The following NF2 variants were observed in gnomAD, a reference collection of about 807,000 sequenced individuals.
NF2 encodes the protein NF2, moesin-ezrin-radixin like (MERLIN) tumor suppressor.
Under a neutral mutation model 83.7 loss-of-function variants are expected in NF2, and 8 were observed. The observed-to-expected ratio is 0.10, with a 90% CI of 0.06 to 0.17. The LOEUF (loss-of-function observed/expected upper bound fraction) is 0.17. Ranked by LOEUF, NF2 falls within the 10% of genes least tolerant of loss-of-function variation. The pLI, the probability that NF2 is intolerant of heterozygous loss-of-function variation, is 1.00. For synonymous variants in NF2, 266 were observed against 269.6 expected, an observed-to-expected ratio of 0.99 and a Z score of 0.13; for missense variants, 533 against 744.4, an observed-to-expected ratio of 0.72 and a Z score of 3.31.
intron 4 of NF2, among the ~76,000 whole-genome samples, chr22:29,644,263 C>T (rs1361973098): frequency 1.4e-5 from 2 of 146,274 alleles, no homozygotes; most frequent in South Asian, 2.2e-4. Context: ...CGGGCAGAGG[C>T]GCTCCTCACA....
chr22:29,652,810 C>T (rs2066187239), intron 4 of NF2, among the ~76,000 whole-genome samples: 1 of 152,264 alleles, frequency 6.6e-6, no homozygotes, highest in Non-Finnish European at 1.5e-5. Context: ...CACTCTACAG[C>T]TGCCTTGCAG....
At chr22:29,637,713 G>A (rs1249829403) in intron 2 of NF2, among the ~76,000 whole-genome samples, 1 of 149,536 alleles carries the variant, frequency 6.7e-6, no homozygotes, top group Non-Finnish European at 1.5e-5. Context: ...TTACCAGTTT[G>A]ACTCAAAGCT....
intron 2 of NF2, 150 bp downstream of exon 2, chr22:29,637,026 T>A: frequency 8.7e-7 from 1 of 1,153,786 alleles, no homozygotes. Context: ...AAGCAGGACG[T>A]AGAGATGCTA....
At chr22:29,643,173 G>A (rs987907443) in intron 4 of NF2, among the ~76,000 whole-genome samples, 2 of 152,028 alleles carry the variant, frequency 1.3e-5, no homozygotes, top group African/African-American at 2.4e-5. Flanking sequence ...TAGAGATGGG[G>A]TCTCACTATG....
chr22:29,665,174 C>T, intron 9 of NF2, 110 bp downstream of exon 9: 1 of 852,022 alleles, frequency 1.2e-6, no homozygotes, highest in Non-Finnish European at 2.0e-6. Flanking sequence ...AGAATGGTAT[C>T]TCACTTGGCG....
chr22:29,689,155 G>GCAACGGA, intron 15 of NF2, among the ~76,000 whole-genome samples: 1 of 137,422 alleles, frequency 7.3e-6, no homozygotes, highest in East Asian at 2.2e-4. Flanking sequence ...GTTCAGCCTG[G>GCAACGGA]CAACGGAGTG....
At position 29,673,284 on chromosome 22, in the gene NF2, A is replaced by G. The variant is rs1468789751; in HGVS notation, c.1138A>G (p.Thr380Ala). The G allele has an allele frequency of 8.2e-6, 13 of 1,577,346 alleles. No homozygotes were observed. The South Asian group carries it at 1.4e-4, about 17-fold the overall frequency. The change falls in exon 12 of 16, where the codon ACA (threonine) becomes GCA (alanine). Residue 380 changes from threonine to alanine, a missense_variant. By Grantham distance (58) the Thr-to-Ala change is moderately conservative. Transcript: ENST00000338641. Reference sequence around the variant, plus strand: ...TGCCCTCCAGATGCGGTCTGAGGAGACAGCTGACCTGTTGGCTGAAAAGGC... The same window carrying G: ...TGCCCTCCAGATGCGGTCTGAGGAGGCAGCTGACCTGTTGGCTGAAAAGGC... Reference protein sequence around the residue: ...ANEALMRSEETADLLAEKAQI... With the variant: ...ANEALMRSEEAADLLAEKAQI...
chr22:29,695,358 G>A lies in NF2; in HGVS notation c.*556G>A, dbSNP rs1169223153. On this transcript the variant is annotated 3_prime_UTR_variant, in exon 16 of 16. Transcript: ENST00000338641. This position sits in a 1 kb window ranked among gnomAD's most constrained non-coding sequence, Gnocchi z 5.4. Reference sequence around the variant, plus strand: ...AGAGCTCGTGACGAGCAAGTGCTGGGTCCCCGCCAGGCACCCCGAGGCGGC... The same window carrying A: ...AGAGCTCGTGACGAGCAAGTGCTGGATCCCCGCCAGGCACCCCGAGGCGGC... 4 of 261,362 alleles carry A rather than the reference G, an allele frequency of 1.5e-5. No individual in the cohort carries two copies. Among genetic ancestry groups the A allele is most frequent in the African/African-American group, 4.3e-5 (2 of 46,408 alleles). 16.2% of individuals were successfully genotyped at this position (261,362 alleles called of 1,614,324 possible). A position where few individuals can be genotyped will look rare whatever the true frequency, so the allele number is the denominator to read the frequency against.
chr22:29,650,890 A>C (rs1166233539), intron 4 of NF2, among the ~76,000 whole-genome samples: 1 of 152,238 alleles, frequency 6.6e-6, no homozygotes, highest in East Asian at 1.9e-4. Flanking sequence ...GGCATGAGCC[A>C]CTGCACCCAA....
intron 1 of NF2, among the ~76,000 whole-genome samples, chr22:29,628,156 G>A (rs973577496): frequency 4.6e-5 from 7 of 150,882 alleles, no homozygotes; most frequent in African/African-American, 1.7e-4. Flanking sequence ...GTGTGTGTGT[G>A]TGTGTGTGTG....
intron 8 of NF2, among the ~76,000 whole-genome samples, chr22:29,664,675 G>A (rs766970449): frequency 3.3e-4 from 50 of 152,186 alleles, no homozygotes; most frequent in Non-Finnish European, 5.9e-5. Flanking sequence ...CCATGCCCTC[G>A]ACTACAGTAG....
intron 13 of NF2, among the ~76,000 whole-genome samples, chr22:29,677,160 G>C (rs954866596): frequency 1.4e-4 from 21 of 152,318 alleles, no homozygotes; most frequent in African/African-American, 3.6e-4. Context: ...GTAGAAAGAA[G>C]ATACAGCCAA....
chr22:29,620,494 C>T (rs1244017179), intron 1 of NF2, among the ~76,000 whole-genome samples: 1 of 150,928 alleles, frequency 6.6e-6, no homozygotes, highest in Non-Finnish European at 1.5e-5. Flanking sequence ...AATCCCAGCA[C>T]TTTGGGAGGC....
rs1014174615 is a variant in NF2 at position 29,653,489 on chromosome 22, C to CA, written c.448-1160dup. 2.2e-4 allele frequency among the ~76,000 whole-genome samples: 32 copies of CA among 147,786 alleles called. No individual in the cohort carries two copies. In the East Asian group the frequency reaches 5.5e-3, roughly 26 times the overall value. ...TTGACAAATTAATTCTCTTAAGATTCAAAAAAAACAATGCAATACAATTCT... is the reference window on the plus strand; with the variant it reads ...TTGACAAATTAATTCTCTTAAGATTCAAAAAAAAACAATGCAATACAATTCT... On this transcript the variant is annotated intron_variant, in intron 4 of 15. Coordinates refer to ENST00000338641, the MANE Select transcript of NF2 (RefSeq NM_000268.4).
Position 29,661,585 on chromosome 22 carries a change from A to G in NF2, c.810+246A>G, listed in dbSNP as rs2857641. Among the ~76,000 whole-genome samples, 56,742 of 152,126 alleles carry G rather than the reference A, an allele frequency of 0.37. 11,290 individuals are homozygous for G. Among genetic ancestry groups the G allele is most frequent in the Non-Finnish European group, 0.47 (31,927 of 67,976 alleles). On this transcript the variant is annotated intron_variant, in intron 8 of 15. Transcript: ENST00000338641. ...GGAGAAACCCCAAAGAATAGTGAAC[A>G]AAAACAGTAACATTTTCTTATTACT...
chr22:29,604,883 C>T (rs2064745754), intron 1 of NF2, among the ~76,000 whole-genome samples: 2 of 152,208 alleles, frequency 1.3e-5, no homozygotes, highest in Admixed American at 6.5e-5. Flanking sequence ...AACTCTTCAA[C>T]TCTACCATTG....
chr22:29,690,365 G>A (rs1222299966), intron 15 of NF2, among the ~76,000 whole-genome samples: 1 of 152,194 alleles, frequency 6.6e-6, no homozygotes, highest in Non-Finnish European at 1.5e-5. Flanking sequence ...ACAATTTGGG[G>A]AGCGTAAGGA....
intron 1 of NF2, among the ~76,000 whole-genome samples, chr22:29,614,748 G>C (rs181424667): frequency 1.8e-4 from 27 of 152,008 alleles, no homozygotes; most frequent in African/African-American, 6.3e-4. Flanking sequence ...CCAAAAAAAA[G>C]CTTAAAATGG....
intron 4 of NF2, among the ~76,000 whole-genome samples, chr22:29,648,381 C>T (rs1247629086): frequency 6.6e-6 from 1 of 152,022 alleles, no homozygotes; most frequent in Non-Finnish European, 1.5e-5. Context: ...GAAAAAACAA[C>T]AATAAGGCAA....
Sources: gnomAD v4.1 joint callset for allele counts (sites outside exome capture counted in the v4.1 genomes callset) on GRCh38, gnomAD v4.1.1 for gene constraint, Gnocchi (gnomAD v3.1) non-coding constraint, MANE v1.5 for transcripts, NCBI Gene and HGNC (gene_info 2026-07-23, HGNC 2026-07-21) for gene names.